NCOA2: variants seen among roughly 807,000 people sequenced by gnomAD.
The protein encoded by NCOA2 is class E basic helix-loop-helix protein 75.
In NCOA2, 21 loss-of-function variants were observed where a neutral mutation model predicts 145.1. The observed-to-expected ratio is 0.14, with a 90% CI of 0.10 to 0.21. The LOEUF (loss-of-function observed/expected upper bound fraction) is 0.21. Ranked by LOEUF, NCOA2 falls within the 10% of genes least tolerant of loss-of-function variation. The probability of loss-of-function intolerance (pLI) is 1.00; values close to 1 mark genes in which losing one functional copy is unlikely to be tolerated. For synonymous variants in NCOA2, 619 were observed against 637.5 expected, an observed-to-expected ratio of 0.97 and a Z score of 0.44; for missense variants, 1,472 against 1,837.6, an observed-to-expected ratio of 0.80 and a Z score of 3.64.
chr8:70,124,894 C>T, intron 19 of NCOA2, 29 bp from the exon 20 acceptor site: 1 of 1,548,500 alleles, frequency 6.5e-7, no homozygotes, highest in Non-Finnish European at 8.7e-7. Flanking sequence ...AACAGAAATC[C>T]AAAAGAGACT....
intron 2 of NCOA2, among the ~76,000 whole-genome samples, chr8:70,286,914 T>C (rs762109947): frequency 2.3e-4 from 35 of 152,292 alleles, no homozygotes; most frequent in Admixed American, 3.9e-4. Flanking sequence ...ATCTGAAATA[T>C]AGTCAAAATG....
chr8:70,441,737 G>A, the NCOA2 span, among the ~76,000 whole-genome samples: 2 of 136,214 alleles, frequency 1.5e-5, no homozygotes, highest in Non-Finnish European at 1.6e-5. Context: ...AAGAGAGAAA[G>A]AAACAGGAAA....
At chr8:70,196,766 T>C (rs1817359062) in intron 4 of NCOA2, among the ~76,000 whole-genome samples, 1 of 152,244 alleles carries the variant, frequency 6.6e-6, no homozygotes, top group Non-Finnish European at 1.5e-5. Context: ...GAACAACATT[T>C]TCTGTCTTAA....
chr8:70,249,679 T>C (rs916782973), intron 2 of NCOA2, among the ~76,000 whole-genome samples: 1 of 152,092 alleles, frequency 6.6e-6, no homozygotes, highest in Non-Finnish European at 1.5e-5. Context: ...ATCAAAACTG[T>C]AGGCCGGGTG....
At chr8:70,300,207 C>T (rs1827384110) in intron 1 of NCOA2, among the ~76,000 whole-genome samples, 1 of 151,912 alleles carries the variant, frequency 6.6e-6, no homozygotes, top group Non-Finnish European at 1.5e-5. Context: ...TGAATTGTGT[C>T]CTAAAGAAGA....
intron 9 of NCOA2, 42 bp downstream of exon 9, chr8:70,162,669 C>G (rs1185434760): frequency 6.4e-7 from 1 of 1,571,576 alleles, no homozygotes; most frequent in Admixed American, 1.7e-5. Context: ...AAAGCTCCCA[C>G]AGGAAGCAAT....
chr8:70,348,505 A>G (rs932672157), intron 1 of NCOA2, among the ~76,000 whole-genome samples: 1 of 152,214 alleles, frequency 6.6e-6, no homozygotes. Flanking sequence ...TAACAGATGA[A>G]CTAGATTCAA....
intron 1 of NCOA2, among the ~76,000 whole-genome samples, chr8:70,359,830 G>A (rs1810051217): frequency 1.3e-5 from 2 of 152,092 alleles, no homozygotes; most frequent in Non-Finnish European, 1.5e-5. Flanking sequence ...AATAAACACT[G>A]AGGTAATCAC....
intron 4 of NCOA2, among the ~76,000 whole-genome samples, chr8:70,175,674 A>C (rs1185376623): frequency 6.6e-6 from 1 of 152,218 alleles, no homozygotes; most frequent in East Asian, 1.9e-4. Context: ...CAAGAACACC[A>C]AAAAAAGTTT....
At chr8:70,318,619 T>C (rs1265039719) in intron 1 of NCOA2, among the ~76,000 whole-genome samples, 1 of 152,042 alleles carries the variant, frequency 6.6e-6, no homozygotes, top group Non-Finnish European at 1.5e-5. Context: ...ACCAAAAAAA[T>C]TAGCTGGGCT....
chr8:70,404,620 C>A (rs1814683504), upstream of NCOA2, among the ~76,000 whole-genome samples: 1 of 152,206 alleles, frequency 6.6e-6, no homozygotes, highest in Non-Finnish European at 1.5e-5. Flanking sequence ...GGAAGGGGCA[C>A]CACCCGGCAA....
intron 6 of NCOA2, among the ~76,000 whole-genome samples, 176 bp from the exon 7 acceptor site, chr8:70,166,930 C>T (rs140487582): frequency 1.1e-4 from 17 of 152,208 alleles, no homozygotes; most frequent in African/African-American, 3.6e-4. Context: ...ATTTTTACAA[C>T]TTGGGAATAT....
intron 2 of NCOA2, among the ~76,000 whole-genome samples, chr8:70,228,761 C>T (rs1820883206): frequency 6.6e-6 from 1 of 152,162 alleles, no homozygotes; most frequent in African/African-American, 2.4e-5. Context: ...TGGAATGAAA[C>T]TTGAAAGAAA....
intron 4 of NCOA2, among the ~76,000 whole-genome samples, chr8:70,201,158 GTCAAATTAAAA>G (rs1817850555): frequency 6.6e-6 from 1 of 151,758 alleles, no homozygotes; most frequent in South Asian, 2.1e-4. Context: ...AACAAAAAAG[GTCAAATTAAAA>G]TCAATTCTCA....
At chr8:70,157,411 T>C (rs1245435331) in intron 10 of NCOA2, among the ~76,000 whole-genome samples, 171 bp from the exon 11 acceptor site, 1 of 152,246 alleles carries the variant, frequency 6.6e-6, no homozygotes, top group African/African-American at 2.4e-5. Flanking sequence ...ACTGAACATG[T>C]ACAGTGTTGG....
chr8:70,113,419 T>TG lies in NCOA2; in HGVS notation c.*212dup. The TG allele has an allele frequency of 1.7e-6, 1 of 601,136 alleles. No individual in the cohort carries two copies. Among genetic ancestry groups the TG allele is most frequent in the South Asian group, 2.0e-5 (1 of 49,922 alleles). 37.2% of individuals were successfully genotyped at this position (601,136 alleles called of 1,614,324 possible). On this transcript the variant is annotated 3_prime_UTR_variant, in exon 23 of 23. Transcript: ENST00000452400. ...GCAGTGAACAGACTGAGCGACTGTC[T>TG]GGATGCGAGCTTCAGACTGTCAAGA...
At chr8:70,308,999 C>CG (rs1828100448) in intron 1 of NCOA2, among the ~76,000 whole-genome samples, 2 of 152,182 alleles carry the variant, frequency 1.3e-5, no homozygotes, top group South Asian at 4.1e-4. Flanking sequence ...TATTTTGGGA[C>CG]TTCTGAGCCT....
intron 2 of NCOA2, chr8:70,273,455 A>G (rs894621792): frequency 1.6e-6 from 1 of 634,046 alleles, no homozygotes; most frequent in Admixed American, 2.5e-5. Flanking sequence ...TCACAGAAAG[A>G]AGGTGGTTCA....
intron 1 of NCOA2, among the ~76,000 whole-genome samples, chr8:70,373,292 C>T (rs1811375186): frequency 6.6e-6 from 1 of 152,124 alleles, no homozygotes; most frequent in Non-Finnish European, 1.5e-5. Context: ...TTAGCTACTC[C>T]ATCTTATTGT....
Sources: gnomAD v4.1 joint callset for allele counts (sites outside exome capture counted in the v4.1 genomes callset) on GRCh38, gnomAD v4.1.1 for gene constraint, MANE v1.5 for transcripts, NCBI Gene and HGNC (gene_info 2026-07-23, HGNC 2026-07-21) for gene names.